Variants in MAGI2 observed in about 807,000 individuals in gnomAD.
MAGI2 encodes the protein membrane-associated guanylate kinase, WW and PDZ domain-containing protein 2.
A neutral mutation model predicts 133.3 loss-of-function variants in MAGI2; 35 were observed. The ratio of observed to expected loss-of-function variants is 0.26; its 90% CI spans 0.20 to 0.35. The LOEUF (loss-of-function observed/expected upper bound fraction) is 0.35, where lower values mean the gene tolerates loss of function less well. Ranked by LOEUF, MAGI2 falls within the 10% of genes least tolerant of loss-of-function variation. The probability of loss-of-function intolerance (pLI) is 1.00; values close to 1 mark genes in which losing one functional copy is unlikely to be tolerated. For synonymous variants in MAGI2, 729 were observed against 710.6 expected, an observed-to-expected ratio of 1.03 and a Z score of -0.41; for missense variants, 1,636 against 1,863.4, an observed-to-expected ratio of 0.88 and a Z score of 2.25.
At chr7:78,808,904 C>T (rs150813627) in intron 2 of MAGI2, among the ~76,000 whole-genome samples, 57 of 152,326 alleles carry the variant, frequency 3.7e-4, no homozygotes, top group Non-Finnish European at 7.9e-4. Context: ...ATTAGCAACA[C>T]GCTGGCATCT....
At chr7:78,533,941 T>C (rs1360019336) in intron 3 of MAGI2, among the ~76,000 whole-genome samples, 2 of 152,098 alleles carry the variant, frequency 1.3e-5, no homozygotes, top group African/African-American at 4.8e-5. Context: ...ACGATTGGGG[T>C]TGAGCTGCTT....
chr7:78,408,975 G>A (rs1797629967), intron 6 of MAGI2, among the ~76,000 whole-genome samples: 2 of 152,028 alleles, frequency 1.3e-5, no homozygotes, highest in East Asian at 1.9e-4. Context: ...CATGAGAGTA[G>A]AGGATGAGGT....
At chr7:78,733,402 GATGT>G (rs149701849) in intron 2 of MAGI2, among the ~76,000 whole-genome samples, 1,975 of 152,264 alleles carry the variant, frequency 0.013, 40 homozygotes, top group African/African-American at 0.046. Flanking sequence ...GTGAACAAGA[GATGT>G]ATGTTGTTAA....
At chr7:78,061,455 C>T (rs1457272970) in intron 21 of MAGI2, among the ~76,000 whole-genome samples, 2 of 141,960 alleles carry the variant, frequency 1.4e-5, no homozygotes, top group African/African-American at 5.3e-5. Context: ...CACACACACA[C>T]ACGAGTGGGG....
chr7:78,387,500 A>C (rs1795495976), intron 6 of MAGI2, among the ~76,000 whole-genome samples: 1 of 152,284 alleles, frequency 6.6e-6, no homozygotes, highest in East Asian at 1.9e-4. Flanking sequence ...AAAATTGACA[A>C]AGTATTTGTA....
At chr7:78,873,767 C>G (rs1243843921) in intron 2 of MAGI2, among the ~76,000 whole-genome samples, 1 of 152,042 alleles carries the variant, frequency 6.6e-6, no homozygotes, top group Non-Finnish European at 1.5e-5. Flanking sequence ...GGTTGGGGAC[C>G]ACTGCTATGC....
At chr7:79,015,696 T>A (rs951863458) in intron 1 of MAGI2, among the ~76,000 whole-genome samples, 4 of 152,150 alleles carry the variant, frequency 2.6e-5, no homozygotes, top group African/African-American at 9.7e-5. Context: ...AGAATGGTTT[T>A]TACTGTAGAA....
chr7:78,986,230 T>A lies in MAGI2; in HGVS notation c.418+20860A>T, dbSNP rs1444898422. On this transcript the variant is annotated intron_variant, in intron 2 of 21. Coordinates refer to ENST00000354212, the MANE Select transcript of MAGI2 (RefSeq NM_012301.4). Reference sequence around the variant, plus strand: ...ATGAAGAATGTAAATAAAATTATGATCCTTATTCTGAATACGGGAAAAATG... The same window carrying A: ...ATGAAGAATGTAAATAAAATTATGAACCTTATTCTGAATACGGGAAAAATG... 2.0e-5 allele frequency among the ~76,000 whole-genome samples: 3 copies of A among 152,240 alleles called. No individual in the cohort carries two copies. The South Asian group carries it at 6.2e-4, about 32-fold the overall frequency.
chr7:78,159,892 C>A, intron 16 of MAGI2, 133 bp downstream of exon 16: 1 of 1,204,810 alleles, frequency 8.3e-7, no homozygotes. Flanking sequence ...CTTATTTGTG[C>A]CCACAGCCTG....
chr7:78,615,706 G>A (rs1397398288), intron 3 of MAGI2: 1 of 152,186 alleles, frequency 6.6e-6, no homozygotes, highest in African/African-American at 2.4e-5. Flanking sequence ...ACTCAAATAT[G>A]TTCCTTTTAT....
At chr7:78,686,038 T>G (rs1407494795) in intron 2 of MAGI2, among the ~76,000 whole-genome samples, 1 of 151,720 alleles carries the variant, frequency 6.6e-6, no homozygotes, top group African/African-American at 2.4e-5. Flanking sequence ...CTTTTACCTA[T>G]TCACATTGGA....
chr7:78,712,607 T>G (rs1250828003), intron 2 of MAGI2, among the ~76,000 whole-genome samples: 1 of 151,944 alleles, frequency 6.6e-6, no homozygotes, highest in Non-Finnish European at 1.5e-5. Context: ...AGAAGTAGAG[T>G]TTCATCAAAA....
At chr7:78,611,494 C>T (rs909847563) in intron 3 of MAGI2, among the ~76,000 whole-genome samples, 2 of 152,200 alleles carry the variant, frequency 1.3e-5, no homozygotes, top group Non-Finnish European at 2.9e-5. Context: ...CTGACATTCC[C>T]TACCAAAGCC....
chr7:78,021,769 A>G (rs1225823503), intron 21 of MAGI2, among the ~76,000 whole-genome samples: 2 of 152,190 alleles, frequency 1.3e-5, no homozygotes, highest in African/African-American at 4.8e-5. Flanking sequence ...TCTGGCATGT[A>G]TTTACTGGTG....
intron 1 of MAGI2, among the ~76,000 whole-genome samples, chr7:79,427,724 C>T (rs1847490679): frequency 1.3e-5 from 2 of 152,012 alleles, no homozygotes; most frequent in South Asian, 4.1e-4. Flanking sequence ...TAATGTCAGG[C>T]TAAATATTTA....
intron 1 of MAGI2, among the ~76,000 whole-genome samples, chr7:79,093,228 G>T (rs1423850746): frequency 6.6e-6 from 1 of 151,032 alleles, no homozygotes; most frequent in African/African-American, 2.4e-5. Context: ...CTGAGAAACT[G>T]AGTCCTAGGC....
intron 6 of MAGI2, among the ~76,000 whole-genome samples, chr7:78,411,394 G>A (rs1023595922): frequency 6.6e-6 from 1 of 151,938 alleles, no homozygotes; most frequent in African/African-American, 2.4e-5. Context: ...AAAAAACATG[G>A]CATCATCAAA....
At chr7:78,465,212 A>C (rs1236821466) in intron 6 of MAGI2, among the ~76,000 whole-genome samples, 3 of 152,186 alleles carry the variant, frequency 2.0e-5, no homozygotes, top group Non-Finnish European at 4.4e-5. Flanking sequence ...GAGCTAACCC[A>C]GTTTGTACTG....
At chr7:78,294,087 T>C (rs977832966) in intron 9 of MAGI2, among the ~76,000 whole-genome samples, 2 of 151,954 alleles carry the variant, frequency 1.3e-5, no homozygotes, top group East Asian at 1.9e-4. Flanking sequence ...TAAAAAAATA[T>C]ATATAATTCT....
Sources: allele counts gnomAD v4.1 joint callset (sites outside exome capture counted in the v4.1 genomes callset), GRCh38; gene constraint gnomAD v4.1.1; transcripts MANE v1.5; gene names NCBI Gene and HGNC (gene_info 2026-07-23, HGNC 2026-07-21).